STK32B: variants seen among roughly 807,000 people sequenced by gnomAD.
STK32B encodes the protein serine/threonine kinase 32B.
Under a neutral mutation model 52.6 loss-of-function variants are expected in STK32B, and 43 were observed. The observed-to-expected ratio is 0.82, with a 90% CI of 0.64 to 1.05. STK32B has a LOEUF of 1.05. Among genes scored for constraint, STK32B ranks in the 50% least tolerant of loss-of-function variants. The probability of loss-of-function intolerance (pLI) is 0.00; values close to 1 mark genes in which losing one functional copy is unlikely to be tolerated. For synonymous variants in STK32B, 238 were observed against 204.3 expected, an observed-to-expected ratio of 1.17 and a Z score of -1.41; for missense variants, 621 against 534.6, an observed-to-expected ratio of 1.16 and a Z score of -1.59.
At chr4:5,473,968 G>C (rs1313637245) in intron 11 of STK32B, among the ~76,000 whole-genome samples, 1 of 152,070 alleles carries the variant, frequency 6.6e-6, no homozygotes, top group African/African-American at 2.4e-5. Flanking sequence ...ACAAAAATTA[G>C]TCTGGTGTGG....
chr4:5,482,632 G>C (rs1007192365), intron 11 of STK32B, among the ~76,000 whole-genome samples: 3 of 152,180 alleles, frequency 2.0e-5, no homozygotes, highest in Admixed American at 1.3e-4. Flanking sequence ...TATTGAATAG[G>C]AGTAGTGAGA....
intron 3 of STK32B, among the ~76,000 whole-genome samples, chr4:5,284,458 A>G (rs907977894): frequency 6.6e-6 from 1 of 152,148 alleles, no homozygotes; most frequent in Non-Finnish European, 1.5e-5. Flanking sequence ...AAACTACTCA[A>G]GGGTTCGTAT....
intron 11 of STK32B, among the ~76,000 whole-genome samples, chr4:5,473,000 A>G (rs1412230924): frequency 2.0e-5 from 3 of 152,116 alleles, no homozygotes; most frequent in Non-Finnish European, 4.4e-5. Context: ...GTCTCCAGAT[A>G]TTGCCAAACG....
chr4:5,025,880 A>G, the STK32B span, among the ~76,000 whole-genome samples: 1 of 152,178 alleles, frequency 6.6e-6, no homozygotes, highest in Admixed American at 6.5e-5. Flanking sequence ...ACACCCTGGG[A>G]TGGGGTAAGT....
chr4:5,369,462 G>A (rs1007863925), intron 4 of STK32B, among the ~76,000 whole-genome samples: 4 of 151,982 alleles, frequency 2.6e-5, no homozygotes, highest in African/African-American at 9.7e-5. Context: ...CAGGCAGCAG[G>A]CTCACTGCCC....
At chr4:5,060,031 A>G (rs529677130) in intron 1 of STK32B, among the ~76,000 whole-genome samples, 23 of 152,306 alleles carry the variant, frequency 1.5e-4, no homozygotes, top group Non-Finnish European at 2.8e-4. Context: ...CAAAGGTGTG[A>G]TCTTGGCTCA....
chr4:5,385,550 A>C (rs1266315207), intron 4 of STK32B, among the ~76,000 whole-genome samples: 1 of 152,028 alleles, frequency 6.6e-6, no homozygotes, highest in East Asian at 1.9e-4. Flanking sequence ...GAGGCCAGGC[A>C]TGCTCCGGCA....
intron 4 of STK32B, among the ~76,000 whole-genome samples, chr4:5,359,079 C>G (rs903159851): frequency 3.3e-5 from 5 of 152,178 alleles, no homozygotes; most frequent in Admixed American, 2.0e-4. Context: ...TGTGCAGGAC[C>G]TTGAGTGCAA....
chr4:5,447,639 A>G (rs956237507), intron 7 of STK32B, among the ~76,000 whole-genome samples: 9 of 152,210 alleles, frequency 5.9e-5, no homozygotes, highest in Admixed American at 5.2e-4. Flanking sequence ...CTGTCTCAGA[A>G]AAAGAAAGTA....
At chr4:5,202,494 G>A (rs775106508) in intron 3 of STK32B, among the ~76,000 whole-genome samples, 1 of 152,248 alleles carries the variant, frequency 6.6e-6, no homozygotes, top group Non-Finnish European at 1.5e-5. Context: ...GCTCCGCTCG[G>A]CAGTGCCCCA....
chr4:5,385,610 C>A (rs1447807112), intron 4 of STK32B, among the ~76,000 whole-genome samples: 1 of 152,054 alleles, frequency 6.6e-6, no homozygotes, highest in African/African-American at 2.4e-5. Flanking sequence ...TGACCACACT[C>A]CTCCCAGGGC....
chr4:5,238,305 T>A (rs10023392), intron 3 of STK32B, among the ~76,000 whole-genome samples: 10,908 of 152,114 alleles, frequency 0.072, 711 homozygotes, highest in African/African-American at 0.17. Context: ...TGGCTTGTGA[T>A]GGGATGACTG....
At chr4:5,316,527 A>G (rs1269509824) in intron 3 of STK32B, among the ~76,000 whole-genome samples, 4 of 990 alleles carry the variant, frequency 4.0e-3, no homozygotes, top group South Asian at 0.25. Context: ...TATTACATAT[A>G]TAATATATAA....
At position 5,185,823 on chromosome 4, in the gene STK32B, C is replaced by T. The variant is rs992600263; in HGVS notation, c.260+17373C>T. 2.6e-5 allele frequency among the ~76,000 whole-genome samples: 4 copies of T among 152,154 alleles called. 1 individual carries two copies. The South Asian group carries it at 8.3e-4, about 32-fold the overall frequency. On this transcript the variant is annotated intron_variant, in intron 3 of 11. Coordinates refer to ENST00000282908, the MANE Select transcript of STK32B (RefSeq NM_018401.3). Reference sequence around the variant, plus strand: ...TGGCTCCCGAAGCCCTCAGAATGAACGTCTTTCTGTGATCTAGCCTGTAAC... The same window carrying T: ...TGGCTCCCGAAGCCCTCAGAATGAATGTCTTTCTGTGATCTAGCCTGTAAC...
chr4:5,468,300 C>T (rs1469541226), intron 11 of STK32B, among the ~76,000 whole-genome samples: 3 of 152,342 alleles, frequency 2.0e-5, no homozygotes, highest in Middle Eastern at 3.4e-3. Context: ...TGGGAGCTCC[C>T]ATGAGAATGG....
intron 1 of STK32B, among the ~76,000 whole-genome samples, chr4:5,090,585 G>A (rs559833775): frequency 5.9e-5 from 9 of 152,062 alleles, no homozygotes; most frequent in South Asian, 4.2e-4. Context: ...GGATGGTCTC[G>A]ATCTCCTGAC....
intron 3 of STK32B, among the ~76,000 whole-genome samples, chr4:5,190,068 C>T (rs145518406): frequency 6.6e-6 from 1 of 152,210 alleles, no homozygotes; most frequent in African/African-American, 2.4e-5. Context: ...CTCACTCACA[C>T]CGACCCACAC....
chr4:5,086,890 A>G (rs187101315), intron 1 of STK32B, among the ~76,000 whole-genome samples: 1 of 152,362 alleles, frequency 6.6e-6, no homozygotes, highest in East Asian at 1.9e-4. Context: ...CAGATAAACA[A>G]AAATTGAGTT....
chr4:5,258,735 T>G (rs1018667543), intron 3 of STK32B, among the ~76,000 whole-genome samples: 1 of 152,218 alleles, frequency 6.6e-6, no homozygotes, highest in South Asian at 2.1e-4. Flanking sequence ...TTGTAACAGC[T>G]TCATGCCTGG....
Sources: allele counts gnomAD v4.1 joint callset (sites outside exome capture counted in the v4.1 genomes callset), GRCh38; gene constraint gnomAD v4.1.1; transcripts MANE v1.5; gene names NCBI Gene and HGNC (gene_info 2026-07-23, HGNC 2026-07-21).